Variants in ERG observed in about 807,000 individuals in gnomAD.
The protein encoded by ERG is transcriptional regulator ERG.
Under a neutral mutation model 55.3 loss-of-function variants are expected in ERG, and 9 were observed. The observed-to-expected ratio is 0.16, with a 90% confidence interval of 0.10 to 0.28. The LOEUF (loss-of-function observed/expected upper bound fraction) is 0.28. ERG is among the 10% of genes least tolerant of loss of function. ERG has a pLI of 1.00. For missense variants in ERG, 434 were observed against 631.6 expected, an observed-to-expected ratio of 0.69 and a Z score of 3.35; for synonymous variants, 223 against 237.3, an observed-to-expected ratio of 0.94 and a Z score of 0.55.
intron 3 of ERG, among the ~76,000 whole-genome samples, chr21:38,404,459 G>A (rs1441584400): frequency 6.6e-6 from 1 of 152,190 alleles, no homozygotes. Context: ...ATGGGACAGG[G>A]AGAGCAGGGC....
intron 1 of ERG, among the ~76,000 whole-genome samples, chr21:38,488,839 A>T (rs767824668): frequency 1.3e-5 from 2 of 152,262 alleles, no homozygotes; most frequent in Non-Finnish European, 2.9e-5. Context: ...AGACAAGTCT[A>T]TTCTAGTCTA....
intron 2 of ERG, among the ~76,000 whole-genome samples, chr21:38,509,266 TA>T (rs2059493099): frequency 6.6e-6 from 1 of 152,230 alleles, no homozygotes; most frequent in African/African-American, 2.4e-5. Context: ...GCAACGTTGC[TA>T]CAGCAGAAAA....
At chr21:38,429,696 C>A (rs1990105370) in intron 2 of ERG, among the ~76,000 whole-genome samples, 1 of 135,350 alleles carries the variant, frequency 7.4e-6, no homozygotes, top group East Asian at 2.2e-4. Context: ...TGTGTGTATA[C>A]ATGTATATGT....
chr21:38,529,691 G>A (rs1042819440), intron 2 of ERG, among the ~76,000 whole-genome samples: 2 of 152,122 alleles, frequency 1.3e-5, no homozygotes, highest in African/African-American at 2.4e-5. Context: ...CTGGCCAGGC[G>A]CGGTGGCTCA....
intron 2 of ERG, among the ~76,000 whole-genome samples, chr21:38,443,465 A>T (rs1179083098): frequency 6.6e-6 from 1 of 152,178 alleles, no homozygotes; most frequent in Non-Finnish European, 1.5e-5. Context: ...ACGCTGGCAT[A>T]TATGGGATCA....
intron 2 of ERG, among the ~76,000 whole-genome samples, chr21:38,508,697 C>T (rs2059488435): frequency 1.3e-5 from 2 of 152,192 alleles, no homozygotes; most frequent in South Asian, 4.1e-4. Context: ...ACCACCATGG[C>T]AACTGTATTT....
At chr21:38,507,986 GAC>G (rs1418972839) in intron 2 of ERG, among the ~76,000 whole-genome samples, 1 of 28,448 alleles carries the variant, frequency 3.5e-5, no homozygotes, top group Non-Finnish European at 8.0e-5. Flanking sequence ...GAGACACACA[GAC>G]ACACACACAT....
chr21:38,575,493 C>T (rs529131317), intron 2 of ERG, among the ~76,000 whole-genome samples: 7 of 152,104 alleles, frequency 4.6e-5, no homozygotes, highest in Non-Finnish European at 8.8e-5. Flanking sequence ...ACATGTGTTA[C>T]GAAATATGCT....
upstream of ERG, among the ~76,000 whole-genome samples, chr21:38,588,079 G>A (rs977004058): frequency 1.8e-4 from 28 of 152,230 alleles, no homozygotes; most frequent in Non-Finnish European, 1.0e-4. Flanking sequence ...CCAAAAAGAT[G>A]TCACGAAGTC....
intron 1 of ERG, among the ~76,000 whole-genome samples, chr21:38,641,321 T>C (rs982997387): frequency 6.6e-6 from 1 of 152,188 alleles, no homozygotes; most frequent in Non-Finnish European, 1.5e-5. Context: ...AGCAAGAAGA[T>C]GCCATCTATG....
chr21:38,575,433 T>C (rs1263240062), intron 2 of ERG, among the ~76,000 whole-genome samples: 1 of 152,226 alleles, frequency 6.6e-6, no homozygotes, highest in East Asian at 1.9e-4. Flanking sequence ...GGGGCTGTGT[T>C]CCAATAAAGC....
upstream of ERG, among the ~76,000 whole-genome samples, chr21:38,500,779 A>G (rs977441468): frequency 1.3e-5 from 2 of 152,222 alleles, no homozygotes; most frequent in Non-Finnish European, 2.9e-5. Context: ...TTCGATCCAT[A>G]AGTTTTACTG....
At chr21:38,418,890 G>A (rs1989402938) in intron 3 of ERG, among the ~76,000 whole-genome samples, 1 of 127,520 alleles carries the variant, frequency 7.8e-6, no homozygotes, top group Non-Finnish European at 1.6e-5. Context: ...TCCTGCCATT[G>A]CAATTCAGTC....
chr21:38,386,919 C>A (rs1170808658), intron 9 of ERG, among the ~76,000 whole-genome samples: 1 of 152,072 alleles, frequency 6.6e-6, no homozygotes, highest in Non-Finnish European at 1.5e-5. Context: ...GCATTGTCCA[C>A]CTACAGAGAA....
At chr21:38,556,726 G>A (rs75789449) in intron 2 of ERG, among the ~76,000 whole-genome samples, 7 of 152,094 alleles carry the variant, frequency 4.6e-5, no homozygotes, top group African/African-American at 1.2e-4. Context: ...GACACAGAGT[G>A]GGGGGAAGGC....
chr21:38,520,259 G>A (rs1233330910), intron 2 of ERG, among the ~76,000 whole-genome samples: 1 of 152,190 alleles, frequency 6.6e-6, no homozygotes, highest in African/African-American at 2.4e-5. Flanking sequence ...AGAGCCAGGA[G>A]CTGGAGGGGA....
chr21:38,604,183 G>A (rs112776799), intron 1 of ERG, among the ~76,000 whole-genome samples: 10,672 of 151,348 alleles, frequency 0.071, 676 homozygotes, highest in African/African-American at 0.17. Flanking sequence ...GAACCCGGGA[G>A]GCGGAGCTTG....
chr21:38,446,996 A>G (rs746014356), intron 1 of ERG, among the ~76,000 whole-genome samples: 6 of 152,074 alleles, frequency 3.9e-5, no homozygotes, highest in Non-Finnish European at 5.9e-5. Flanking sequence ...CTTTACATAA[A>G]TAAGGGTGCT....
intron 5 of ERG, among the ~76,000 whole-genome samples, chr21:38,401,830 C>A (rs573389320): frequency 6.6e-5 from 10 of 152,168 alleles, no homozygotes; most frequent in Admixed American, 6.5e-4. Context: ...CTGCTGTGAG[C>A]GGGGGGCGAG....
Sources: gnomAD v4.1 joint callset for allele counts (sites outside exome capture counted in the v4.1 genomes callset) on GRCh38, gnomAD v4.1.1 for gene constraint, MANE v1.5 for transcripts, NCBI Gene and HGNC (gene_info 2026-07-23, HGNC 2026-07-21) for gene names.